Variants in ZNF777 observed in about 807,000 individuals in gnomAD.
ZNF777 encodes the protein zinc finger protein 777.
In ZNF777, 7 loss-of-function variants were observed where a neutral mutation model predicts 72.1. The observed-to-expected ratio is 0.10, with a 90% CI of 0.06 to 0.18. The LOEUF is 0.18. Among genes scored for constraint, ZNF777 ranks in the 10% least tolerant of loss-of-function variants. ZNF777 has a pLI of 1.00. For missense variants in ZNF777, 828 were observed against 1,128.6 expected, an observed-to-expected ratio of 0.73 and a Z score of 3.82; for synonymous variants, 545 against 483.5, an observed-to-expected ratio of 1.13 and a Z score of -1.67.
rs1156534293 is a variant in ZNF777 at position 149,432,479 on chromosome 7, A to G, written c.1793T>C (p.Val598Ala). Residue 598 changes from valine (V) to alanine (A), a missense_variant, in exon 6 of 6, where the codon GTG becomes GCG. Physicochemically the swap from Val to Ala is moderately conservative, Grantham distance 64 (BLOSUM62 0). Coordinates refer to ENST00000247930, the MANE Select transcript of ZNF777 (RefSeq NM_015694.3). Reference protein sequence around the residue: ...QLTLHQRIHRVRGGCVSPERG... With the variant: ...QLTLHQRIHRARGGCVSPERG... ...TTCGGGTGAGACGCAGCCTCCGCGC[A>G]CGCGGTGGATGCGCTGGTGCAGCGT... is the stretch of plus-strand genomic sequence containing the variant. 2 of 1,613,704 alleles carry G rather than the reference A, an allele frequency of 1.2e-6. No homozygotes were observed. Among genetic ancestry groups the G allele is most frequent in the Non-Finnish European group, 1.7e-6 (2 of 1,179,858 alleles).
At chr7:149,459,602 CGCAGCCCTCTGG>C in intron 1 of ZNF777, 3 of 979,502 alleles carry the variant, frequency 3.1e-6, no homozygotes, top group Non-Finnish European at 3.6e-6. Flanking sequence ...CGTCCAGGCC[CGCAGCCCTCTGG>C]GCAGGCCTTT....
intron 4 of ZNF777, among the ~76,000 whole-genome samples, chr7:149,448,597 A>ATATATG (rs1799658887): frequency 6.9e-6 from 1 of 144,072 alleles, no homozygotes; most frequent in Non-Finnish European, 1.5e-5. Context: ...ATATATATAT[A>ATATATG]TATATATATA....
chr7:149,453,384 A>C (rs11982309), intron 3 of ZNF777, among the ~76,000 whole-genome samples: 1 of 152,222 alleles, frequency 6.6e-6, no homozygotes, highest in African/African-American at 2.4e-5. Flanking sequence ...GTGACAACAC[A>C]TTTAAATGTT....
chr7:149,454,905 G>C (rs910839580), intron 2 of ZNF777, among the ~76,000 whole-genome samples: 3 of 152,040 alleles, frequency 2.0e-5, no homozygotes, highest in Non-Finnish European at 4.4e-5. Context: ...GGCTCTCATC[G>C]GCCTTCGCTT....
intron 4 of ZNF777, among the ~76,000 whole-genome samples, chr7:149,445,483 G>C (rs1025690566): frequency 6.6e-6 from 1 of 152,168 alleles, no homozygotes; most frequent in South Asian, 2.1e-4. Context: ...TTGGCCCATA[G>C]GGTGCTTTGG....
chr7:149,456,581 G>A (rs552072970), intron 1 of ZNF777, among the ~76,000 whole-genome samples: 3 of 152,106 alleles, frequency 2.0e-5, no homozygotes, highest in African/African-American at 4.8e-5. Flanking sequence ...CAGCAGGGGT[G>A]GGGGGCTCAC....
At chr7:149,448,866 C>T (rs1177235779) in intron 4 of ZNF777, among the ~76,000 whole-genome samples, 1 of 152,048 alleles carries the variant, frequency 6.6e-6, no homozygotes, top group African/African-American at 2.4e-5. Flanking sequence ...TCTGAATCAT[C>T]TTTACATCTC....
In ZNF777 at chr7:149,456,003, GATGAGC is replaced by G; in HGVS notation, c.14_19del (p.Arg5_Ser7delinsPro). The G allele has an allele frequency of 6.3e-7, 1 of 1,593,078 alleles. No homozygotes were observed. Among genetic ancestry groups the G allele is most frequent in the Non-Finnish European group, 8.6e-7 (1 of 1,169,056 alleles). ...TGGAACACTGGGGAACGACAGAGGT[GATGAGC>G]GTTGGTTCTCCATGTCCAGCTGCTG... On this transcript the variant is annotated inframe_deletion, in exon 2 of 6. Transcript: ENST00000247930.
At chr7:149,443,932 C>T (rs1244093287) in intron 4 of ZNF777, among the ~76,000 whole-genome samples, 1 of 152,194 alleles carries the variant, frequency 6.6e-6, no homozygotes, top group Non-Finnish European at 1.5e-5. Flanking sequence ...CACTCCTCTG[C>T]CCCCATTTCC....
intron 4 of ZNF777, among the ~76,000 whole-genome samples, chr7:149,448,599 A>G (rs1174196188): frequency 1.6e-5 from 2 of 126,608 alleles, no homozygotes; most frequent in African/African-American, 6.2e-5. Context: ...ATATATATAT[A>G]TATATATATA....
chr7:149,436,511 G>T lies in ZNF777; in HGVS notation c.1339+64C>A. ...CTGAAGGAACCACAGCTTTCCCAGG[G>T]GGCAGGGGCCCTCTGGGAGGCCTCA... On this transcript the variant is annotated intron_variant, in intron 5 of 5. Transcript: ENST00000247930. The surrounding 1 kb of genome is among the most constrained non-coding windows in gnomAD (Gnocchi z 5.0). 1 of 1,523,528 alleles carries T rather than the reference G, an allele frequency of 6.6e-7. No homozygotes were observed. Among genetic ancestry groups the T allele is most frequent in the Non-Finnish European group, 8.8e-7 (1 of 1,135,598 alleles). 94.4% of individuals were successfully genotyped at this position (1,523,528 alleles called of 1,614,324 possible). A position where few individuals can be genotyped will look rare whatever the true frequency, so the allele number is the denominator to read the frequency against.
chr7:149,436,496 C>G lies in ZNF777; in HGVS notation c.1339+79G>C. The G allele has an allele frequency of 3.3e-6, 5 of 1,494,296 alleles. No individual in the cohort carries two copies. Among genetic ancestry groups the G allele is most frequent in the Non-Finnish European group, 4.5e-6 (5 of 1,119,876 alleles). 92.6% of individuals were successfully genotyped at this position (1,494,296 alleles called of 1,614,324 possible). A position where few individuals can be genotyped will look rare whatever the true frequency, so the allele number is the denominator to read the frequency against. On this transcript the variant is annotated intron_variant, in intron 5 of 5. Coordinates refer to ENST00000247930, the MANE Select transcript of ZNF777 (RefSeq NM_015694.3). The surrounding 1 kb of genome is among the most constrained non-coding windows in gnomAD (Gnocchi z 5.0). ...TGTCCAGCTACCTCTCTGAAGGAAC[C>G]ACAGCTTTCCCAGGGGGCAGGGGCC... is the stretch of plus-strand genomic sequence containing the variant.
chr7:149,448,513 C>CTATATATAGTTATACATATAGTTA lies in ZNF777; in HGVS notation c.1087+2462_1087+2485dup, dbSNP rs1554493984. ...TATATATATATATATATATATATAA[C>CTATATATAGTTATACATATAGTTA]TATATATAGTTATACATATAGTTAT... On this transcript the variant is annotated intron_variant, in intron 4 of 5. Coordinates refer to ENST00000247930, the MANE Select transcript of ZNF777 (RefSeq NM_015694.3). Among the ~76,000 whole-genome samples the CTATATATAGTTATACATATAGTTA allele has an allele frequency of 1.2e-4, 11 of 88,550 alleles. No homozygotes were observed. The South Asian group carries it at 2.9e-3, about 23-fold the overall frequency. The allele number at this position is 88,550 out of a possible 152,430, so 58.1% of individuals were successfully genotyped here.
Position 149,455,212 on chromosome 7 carries a change from G to A in ZNF777, c.811C>T (p.Arg271Trp). 1.9e-6 allele frequency: 3 copies of A among 1,613,702 alleles called. No homozygotes were observed. Among genetic ancestry groups the A allele is most frequent in the South Asian group, 1.1e-5 (1 of 91,064 alleles). ...LLKNRNFWIL[R>W]LPPGSNGEVP... is the part of the protein sequence containing the mutation. ...TCTCCATTGCTGCCGGGGGGCAGCCGCAGGATCCAGAAATTTCTGTTTTTC... is the reference window on the plus strand; with the variant it reads ...TCTCCATTGCTGCCGGGGGGCAGCCACAGGATCCAGAAATTTCTGTTTTTC... Residue 271 changes from arginine (R) to tryptophan (W), a missense_variant, in exon 2 of 6, where the codon CGG becomes TGG. By Grantham distance (101) the Arg-to-Trp change is moderately radical. This residue lies in a region of ZNF777 where 76 missense variants were observed against 157.3 expected (regional missense o/e 0.48). Transcript: ENST00000247930. This position sits in a 1 kb window ranked among gnomAD's most constrained non-coding sequence, Gnocchi z 4.2.
At chr7:149,456,615 G>A (rs1799838309) in intron 1 of ZNF777, among the ~76,000 whole-genome samples, 1 of 152,210 alleles carries the variant, frequency 6.6e-6, no homozygotes, top group African/African-American at 2.4e-5. Flanking sequence ...AACTGTTAAT[G>A]TTCTTAACTG....
At chr7:149,454,492 C>T (rs1449936864) in intron 2 of ZNF777, among the ~76,000 whole-genome samples, 2 of 152,240 alleles carry the variant, frequency 1.3e-5, no homozygotes, top group Non-Finnish European at 2.9e-5. Flanking sequence ...GTAACTTGCT[C>T]AGACCCCACC....
intron 4 of ZNF777, among the ~76,000 whole-genome samples, chr7:149,449,247 G>A (rs112150365): frequency 2.0e-5 from 3 of 152,304 alleles, no homozygotes; most frequent in East Asian, 1.9e-4. Flanking sequence ...GACTCCCAGG[G>A]CCTGGAGATG....
chr7:149,447,640 A>G (rs572022501), intron 4 of ZNF777, among the ~76,000 whole-genome samples: 1 of 152,270 alleles, frequency 6.6e-6, no homozygotes. Flanking sequence ...GACGGAAAGA[A>G]CCTGCAAGTA....
chr7:149,432,982 TA>T, intron 5 of ZNF777, 50 bp from the exon 6 acceptor site: 1 of 1,448,682 alleles, frequency 6.9e-7, no homozygotes, highest in Non-Finnish European at 9.1e-7. Context: ...CTGGCGCCCC[TA>T]ACCTACCTGG....
Sources: allele counts gnomAD v4.1 joint callset (sites outside exome capture counted in the v4.1 genomes callset), GRCh38; gene constraint gnomAD v4.1.1; regional missense constraint gnomAD v4.1.1; non-coding constraint Gnocchi (gnomAD v3.1); transcripts MANE v1.5; gene names NCBI Gene and HGNC (gene_info 2026-07-23, HGNC 2026-07-21).